Variants in BRIP1 observed in about 807,000 individuals in gnomAD.
BRIP1 encodes BRCA1 interacting DNA helicase 1.
A neutral mutation model predicts 119.7 loss-of-function variants in BRIP1; 88 were observed. The ratio of observed to expected loss-of-function variants is 0.74; its 90% CI spans 0.62 to 0.88. The LOEUF is 0.88. Ranked by LOEUF, BRIP1 falls within the 40% of genes least tolerant of loss-of-function variation. BRIP1 has a pLI of 0.00. For synonymous variants in BRIP1, 443 were observed against 496.5 expected, an observed-to-expected ratio of 0.89 and a Z score of 1.43; for missense variants, 1,259 against 1,455.4, an observed-to-expected ratio of 0.87 and a Z score of 2.20.
intron 11 of BRIP1, chr17:61,783,998 C>G (rs2077662820): frequency 6.5e-6 from 2 of 306,642 alleles, no homozygotes; most frequent in African/African-American, 4.4e-5. Flanking sequence ...GGGAGGATTG[C>G]TTAAGCCCAG....
At chr17:61,692,793 G>A (rs1308760155) in intron 18 of BRIP1, among the ~76,000 whole-genome samples, 1 of 152,204 alleles carries the variant, frequency 6.6e-6, no homozygotes, top group Non-Finnish European at 1.5e-5. Context: ...AAATGGTGCA[G>A]TTGCTATGAA....
At chr17:61,771,514 C>T (rs1437057739) in intron 14 of BRIP1, among the ~76,000 whole-genome samples, 1 of 152,120 alleles carries the variant, frequency 6.6e-6, no homozygotes, top group Non-Finnish European at 1.5e-5. Context: ...GGAGATACTA[C>T]ACTTTATACC....
rs376382242 is a variant in BRIP1, at chr17:61,742,608, A to G, written c.2379+405T>C. Among the ~76,000 whole-genome samples the G allele has an allele frequency of 4.6e-5, 7 of 152,170 alleles. No individual in the cohort carries two copies. The highest frequency in any genetic ancestry group is 1.7e-4 in the African/African-American group (7 of 41,432). ...GTGTCTCAGGGAATGGAGAGTCCCA[A>G]GGAGAGAGAAATGGGGGAAGGGTAG... On this transcript the variant is annotated intron_variant, in intron 16 of 19. Coordinates refer to ENST00000259008, the MANE Select transcript of BRIP1 (RefSeq NM_032043.3). The surrounding 1 kb of genome is among the most constrained non-coding windows in gnomAD (Gnocchi z 4.7).
chr17:61,736,203 C>T lies in BRIP1; in HGVS notation c.2379+6810G>A, dbSNP rs939881185. ...TTTAGCCAGGTGTGGTGGCACATGC[C>T]TACAGTCCTAGCTACCCAGGAGACT... On this transcript the variant is annotated intron_variant, in intron 16 of 19. Transcript: ENST00000259008. The surrounding 1 kb of genome is among the most constrained non-coding windows in gnomAD (Gnocchi z 4.4). 6.6e-6 allele frequency among the ~76,000 whole-genome samples: 1 copy of T among 151,948 alleles called. No homozygotes were observed. The highest frequency in any genetic ancestry group is 1.5e-5 in the Non-Finnish European group (1 of 67,978).
intron 14 of BRIP1, among the ~76,000 whole-genome samples, chr17:61,766,512 A>G (rs1233979677): frequency 6.6e-6 from 1 of 152,206 alleles, no homozygotes; most frequent in African/African-American, 2.4e-5. Flanking sequence ...CGAGGGGAAA[A>G]AAAACACTTT....
In BRIP1 at chr17:61,684,551, T is replaced by A. The variant is rs370002778; in HGVS notation, c.2906-411A>T. On this transcript the variant is annotated intron_variant, in intron 19 of 19. Coordinates refer to ENST00000259008, the MANE Select transcript of BRIP1 (RefSeq NM_032043.3). This position sits in a 1 kb window ranked among gnomAD's most constrained non-coding sequence, Gnocchi z 4.5. ...TATTTAATAAATAAGGAAAGTGACA[T>A]AAGGCTAAGTTATTTGCTCAAAGTT... Among the ~76,000 whole-genome samples the A allele has an allele frequency of 1.3e-5, 2 of 152,148 alleles. No homozygotes were observed. The highest frequency in any genetic ancestry group is 1.3e-4 in the Admixed American group (2 of 15,282).
Position 61,713,310 on chromosome 17 carries a change from A to T in BRIP1, c.2492+2641T>A, listed in dbSNP as rs927370457. On this transcript the variant is annotated intron_variant, in intron 17 of 19. Coordinates refer to ENST00000259008, the MANE Select transcript of BRIP1 (RefSeq NM_032043.3). The surrounding 1 kb of genome is among the most constrained non-coding windows in gnomAD (Gnocchi z 4.9). Reference sequence around the variant, plus strand: ...ACAGTGTACTCCTTTCACTTACATTAAAAAAAAAGTTAACTATAAAACAGC... The same window carrying T: ...ACAGTGTACTCCTTTCACTTACATTTAAAAAAAAGTTAACTATAAAACAGC... Among the ~76,000 whole-genome samples the T allele has an allele frequency of 1.1e-4, 14 of 128,350 alleles. No individual in the cohort carries two copies. Among genetic ancestry groups the T allele is most frequent in the African/African-American group, 2.4e-4 (9 of 36,952 alleles). 84.2% of individuals were successfully genotyped at this position (128,350 alleles called of 152,430 possible).
chr17:61,776,567 A>C lies in BRIP1; in HGVS notation c.1936-5T>G, dbSNP rs769767296. On this transcript the variant is annotated splice_polypyrimidine_tract_variant and splice_region_variant and intron_variant, in intron 13 of 19. Transcript: ENST00000259008. This position sits in a 1 kb window ranked among gnomAD's most constrained non-coding sequence, Gnocchi z 5.0. ...CCCAATGGTACCAACCCAAACCTAG[A>C]ATATGAATATGTCATTATTAGAGTT... 9 of 1,613,514 alleles carry C rather than the reference A, an allele frequency of 5.6e-6. No individual in the cohort carries two copies. The African/African-American group carries it at 1.2e-4, about 22-fold the overall frequency.
Position 61,797,964 on chromosome 17 carries a change from CACCTATT to C in BRIP1, c.1340+1129_1340+1135del, listed in dbSNP as rs538874925. On this transcript the variant is annotated intron_variant, in intron 9 of 19. Transcript: ENST00000259008. ...AGCATACATTAGCCCCCCTGTCATC[CACCTATT>C]GTGTAAATGTTAGCTATATCTATTG... is the stretch of plus-strand genomic sequence containing the variant. Among the ~76,000 whole-genome samples, 164 of 152,076 alleles carry C rather than the reference CACCTATT, an allele frequency of 1.1e-3. 1 individual carries two copies. The highest frequency in any genetic ancestry group is 3.8e-3 in the African/African-American group (159 of 41,550).
chr17:61,718,154 G>A (rs2061912083), intron 16 of BRIP1, among the ~76,000 whole-genome samples: 1 of 152,054 alleles, frequency 6.6e-6, no homozygotes, highest in South Asian at 2.1e-4. Flanking sequence ...CTGTATTATG[G>A]GTTAAATTCT....
In BRIP1 at chr17:61,841,345, G is replaced by A. The variant is rs1331039925; in HGVS notation, c.627+5756C>T. Among the ~76,000 whole-genome samples, 1 of 148,878 alleles carries A rather than the reference G, an allele frequency of 6.7e-6. No individual in the cohort carries two copies. The highest frequency in any genetic ancestry group is 2.1e-4 in the South Asian group (1 of 4,696). On this transcript the variant is annotated intron_variant, in intron 6 of 19. Coordinates refer to ENST00000259008, the MANE Select transcript of BRIP1 (RefSeq NM_032043.3). The surrounding 1 kb of genome is among the most constrained non-coding windows in gnomAD (Gnocchi z 4.1). ...GGGACTACTATCCAGAATATACAAG[G>A]AACTCAACAGCAAAAAAAAAAAAAT...
rs1363671112 is a variant in BRIP1, at chr17:61,816,161, T to C, written c.628-7404A>G. 6.6e-6 allele frequency among the ~76,000 whole-genome samples: 1 copy of C among 152,164 alleles called. No homozygotes were observed. Among genetic ancestry groups the C allele is most frequent in the African/African-American group, 2.4e-5 (1 of 41,430 alleles). On this transcript the variant is annotated intron_variant, in intron 6 of 19. Coordinates refer to ENST00000259008, the MANE Select transcript of BRIP1 (RefSeq NM_032043.3). The surrounding 1 kb of genome is among the most constrained non-coding windows in gnomAD (Gnocchi z 5.0). ...TAGATCACTGCTAACCAAGCAAACG[T>C]TTTAATTAAGCTGGAACTTGCTTCA...
chr17:61,721,064 A>T (rs2144462577), intron 16 of BRIP1, among the ~76,000 whole-genome samples: 1 of 151,956 alleles, frequency 6.6e-6, no homozygotes, highest in East Asian at 1.9e-4. Context: ...CTGGTCTCAA[A>T]CGCCTGACCT....
Position 61,814,474 on chromosome 17 carries a change from C to T in BRIP1, c.628-5717G>A, listed in dbSNP as rs981813416. On this transcript the variant is annotated intron_variant, in intron 6 of 19. Coordinates refer to ENST00000259008, the MANE Select transcript of BRIP1 (RefSeq NM_032043.3). This position sits in a 1 kb window ranked among gnomAD's most constrained non-coding sequence, Gnocchi z 4.9. Reference sequence around the variant, plus strand: ...ATCACAGAAGAGAAAAGCTGAAAGGCTAATAAATATCTGAAAAGATGTGCC... The same window carrying T: ...ATCACAGAAGAGAAAAGCTGAAAGGTTAATAAATATCTGAAAAGATGTGCC... 2.0e-5 allele frequency among the ~76,000 whole-genome samples: 3 copies of T among 151,944 alleles called. No homozygotes were observed. Among genetic ancestry groups the T allele is most frequent in the Non-Finnish European group, 2.9e-5 (2 of 67,890 alleles).
In BRIP1 at chr17:61,699,282, G is replaced by A. The variant is rs770333293; in HGVS notation, c.2493-5770C>T. On this transcript the variant is annotated intron_variant, in intron 17 of 19. Transcript: ENST00000259008. The surrounding 1 kb of genome is among the most constrained non-coding windows in gnomAD (Gnocchi z 4.8). ...TTACATTTAATGTAATTACTGATAA[G>A]GTAGGATTTACTCAGCTATTTTGTA... is the stretch of plus-strand genomic sequence containing the variant. Among the ~76,000 whole-genome samples the A allele has an allele frequency of 6.6e-6, 1 of 152,048 alleles. No homozygotes were observed. Among genetic ancestry groups the A allele is most frequent in the Non-Finnish European group, 1.5e-5 (1 of 68,018 alleles).
At chr17:61,772,952 G>T (rs907182790) in intron 14 of BRIP1, among the ~76,000 whole-genome samples, 1 of 151,826 alleles carries the variant, frequency 6.6e-6, no homozygotes, top group Non-Finnish European at 1.5e-5. Flanking sequence ...GGGAAGAAAG[G>T]AGGAGTAGTA....
Position 61,736,980 on chromosome 17 carries a change from T to C in BRIP1, c.2379+6033A>G, listed in dbSNP as rs1196562189. On this transcript the variant is annotated intron_variant, in intron 16 of 19. Transcript: ENST00000259008. The surrounding 1 kb of genome is among the most constrained non-coding windows in gnomAD (Gnocchi z 4.4). The stretch of plus-strand genomic sequence containing the variant: ...ATTAAAAACTAACAGCCACACAAAG[T>C]ATAAAGATGGAATCTGTGACAATAA... Among the ~76,000 whole-genome samples, 2 of 151,964 alleles carry C rather than the reference T, an allele frequency of 1.3e-5. No individual in the cohort carries two copies. The highest frequency in any genetic ancestry group is 4.8e-5 in the African/African-American group (2 of 41,384).
rs1412863913 is a variant in BRIP1 at position 61,717,028 on chromosome 17, T to C, written c.2380-965A>G. Reference sequence around the variant, plus strand: ...TAGTTTTATACATGCTATAAACCCATAAAACATTTTGATTATGCTTTAAAC... The same window carrying C: ...TAGTTTTATACATGCTATAAACCCACAAAACATTTTGATTATGCTTTAAAC... On this transcript the variant is annotated intron_variant, in intron 16 of 19. Coordinates refer to ENST00000259008, the MANE Select transcript of BRIP1 (RefSeq NM_032043.3). This position sits in a 1 kb window ranked among gnomAD's most constrained non-coding sequence, Gnocchi z 4.1. Among the ~76,000 whole-genome samples the C allele has an allele frequency of 6.6e-6, 1 of 152,100 alleles. No individual in the cohort carries two copies. The highest frequency in any genetic ancestry group is 1.5e-5 in the Non-Finnish European group (1 of 67,948).
At position 61,805,502 on chromosome 17, in the gene BRIP1, T is replaced by C. The variant is rs1172439303; in HGVS notation, c.918+2965A>G. On this transcript the variant is annotated intron_variant, in intron 7 of 19. Coordinates refer to ENST00000259008, the MANE Select transcript of BRIP1 (RefSeq NM_032043.3). This position sits in a 1 kb window ranked among gnomAD's most constrained non-coding sequence, Gnocchi z 5.6. The stretch of plus-strand genomic sequence containing the variant: ...GATTTTGTTTCTAGTGTAACCAAAA[T>C]AGCAATGGATGAGGAATCAGAAAAT... Among the ~76,000 whole-genome samples, 1 of 152,194 alleles carries C rather than the reference T, an allele frequency of 6.6e-6. No homozygotes were observed. Among genetic ancestry groups the C allele is most frequent in the Admixed American group, 6.5e-5 (1 of 15,276 alleles).
Sources: gnomAD v4.1 joint callset for allele counts (sites outside exome capture counted in the v4.1 genomes callset) on GRCh38, gnomAD v4.1.1 for gene constraint, Gnocchi (gnomAD v3.1) non-coding constraint, MANE v1.5 for transcripts, NCBI Gene and HGNC (gene_info 2026-07-23, HGNC 2026-07-21) for gene names.